Variants in NEK10 observed in about 807,000 individuals in gnomAD.
The protein encoded by NEK10 is NIMA related kinase 10.
In NEK10, 122 loss-of-function variants were observed where a neutral mutation model predicts 159.8. The observed-to-expected ratio is 0.76, with a 90% confidence interval of 0.66 to 0.89. The LOEUF is 0.89. Ranked by LOEUF, NEK10 falls within the 40% of genes least tolerant of loss-of-function variation. NEK10 has a pLI of 0.00. For missense variants in NEK10, 1,342 were observed against 1,323.1 expected, an observed-to-expected ratio of 1.01 and a Z score of -0.22; for synonymous variants, 466 against 457.1, an observed-to-expected ratio of 1.02 and a Z score of -0.25.
rs575704234 is a variant in NEK10, at chr3:27,221,019, T to C, written c.2091-18462A>G. ...ACCTCATACCATATGCAAAAATTAA[T>C]GCTAAATGAGTCATAGACCTATATA... On this transcript the variant is annotated intron_variant, in intron 23 of 35. Coordinates refer to ENST00000691995, the MANE Select transcript of NEK10 (RefSeq NM_001394966.1). Among the ~76,000 whole-genome samples, 5 of 152,260 alleles carry C rather than the reference T, an allele frequency of 3.3e-5. No individual in the cohort carries two copies. In the South Asian group the frequency reaches 1.0e-3, roughly 32 times the overall value.
chr3:27,305,012 A>G (rs2044126403), intron 11 of NEK10, 41 bp from the exon 12 acceptor site: 1 of 1,192,588 alleles, frequency 8.4e-7, no homozygotes, highest in African/African-American at 1.5e-5. Flanking sequence ...TCACAGCATC[A>G]TGAGTTGATT....
intron 23 of NEK10, among the ~76,000 whole-genome samples, chr3:27,214,104 A>C (rs2149110841): frequency 6.6e-6 from 1 of 152,338 alleles, no homozygotes; most frequent in Non-Finnish European, 1.5e-5. Flanking sequence ...AGATAATATC[A>C]GTTTTAACTA....
chr3:27,167,483 A>G (rs1946589867), intron 29 of NEK10, among the ~76,000 whole-genome samples: 1 of 152,214 alleles, frequency 6.6e-6, no homozygotes, highest in Non-Finnish European at 1.5e-5. Context: ...AGAATATGTG[A>G]CAAAGAGGCT....
intron 3 of NEK10, among the ~76,000 whole-genome samples, chr3:27,349,947 G>A (rs1386253065): frequency 2.6e-5 from 4 of 152,048 alleles, no homozygotes; most frequent in Non-Finnish European, 5.9e-5. Flanking sequence ...GTGTAGGTCA[G>A]GACAAAGAAC....
intron 3 of NEK10, among the ~76,000 whole-genome samples, chr3:27,346,459 T>C (rs547162889): frequency 3.3e-5 from 5 of 152,340 alleles, no homozygotes; most frequent in Admixed American, 3.3e-4. Flanking sequence ...CTGACAGTTA[T>C]TTATGTACTT....
chr3:27,318,686 T>C, intron 6 of NEK10, among the ~76,000 whole-genome samples: 1 of 152,210 alleles, frequency 6.6e-6, no homozygotes, highest in East Asian at 1.9e-4. Flanking sequence ...AAGATAGCTT[T>C]GATCTTGTGG....
Position 27,119,781 on chromosome 3 carries a change from G to A in NEK10, c.3169C>T (p.Leu1057=), listed in dbSNP as rs1028698157. 8 of 1,613,768 alleles carry A rather than the reference G, an allele frequency of 5.0e-6. No individual in the cohort carries two copies. In the African/African-American group the frequency reaches 8.0e-5, roughly 16 times the overall value. The change falls in exon 33 of 36, where the codon CTG becomes TTG. Residue 1057 remains leucine (L), a synonymous_variant. Coordinates refer to ENST00000691995, the MANE Select transcript of NEK10 (RefSeq NM_001394966.1). ...LLHRSSGGNS[L]SPNDPTGLPT... Reference sequence around the variant, plus strand: ...TTACCTGTAGGGTCATTTGGGGACAGGCTGTTTCCACCGGATGAACGATGT... The same window carrying A: ...TTACCTGTAGGGTCATTTGGGGACAAGCTGTTTCCACCGGATGAACGATGT...
Position 27,110,991 on chromosome 3 carries a change from C to A in NEK10, c.*281G>T, listed in dbSNP as rs559317207. The A allele has an allele frequency of 4.3e-5, 13 of 301,140 alleles. No individual in the cohort carries two copies. The highest frequency in any genetic ancestry group is 2.6e-4 in the African/African-American group (12 of 46,506). The allele number at this position is 301,140 out of a possible 1,614,324, so 18.7% of individuals were successfully genotyped here. A position where few individuals can be genotyped will look rare whatever the true frequency, so the allele number is the denominator to read the frequency against. ...TGTTGTTGTTTTTGGGTTTTCCCCCCACCCTCCAAAAGATGAATTTTGCAG... is the reference window on the plus strand; with the variant it reads ...TGTTGTTGTTTTTGGGTTTTCCCCCAACCCTCCAAAAGATGAATTTTGCAG... On this transcript the variant is annotated 3_prime_UTR_variant, in exon 36 of 36. Coordinates refer to ENST00000691995, the MANE Select transcript of NEK10 (RefSeq NM_001394966.1).
In NEK10 at chr3:27,202,419, G is replaced by A. The variant is rs183652164; in HGVS notation, c.2220+9C>T. 1.4e-5 allele frequency: 23 copies of A among 1,602,490 alleles called. No homozygotes were observed. Among genetic ancestry groups the A allele is most frequent in the African/African-American group, 9.4e-5 (7 of 74,636 alleles). On this transcript the variant is annotated intron_variant, in intron 24 of 35. Transcript: ENST00000691995. ...ACACGAGACCCTTCTGTCTCCCAGCGTTGCTTACTTTTGTAGCCAAGGACA... is the reference window on the plus strand; with the variant it reads ...ACACGAGACCCTTCTGTCTCCCAGCATTGCTTACTTTTGTAGCCAAGGACA...
Position 27,109,962 on chromosome 3 carries a change from G to A in NEK10, c.*1310C>T, listed in dbSNP as rs558623104. The A allele has an allele frequency of 1.1e-4, 17 of 152,244 alleles. No individual in the cohort carries two copies. The South Asian group carries it at 3.3e-3, about 30-fold the overall frequency. The allele number at this position is 152,244 out of a possible 1,614,324, so 9.4% of individuals were successfully genotyped here. A position where few individuals can be genotyped will look rare whatever the true frequency, so the allele number is the denominator to read the frequency against. On this transcript the variant is annotated 3_prime_UTR_variant, in exon 36 of 36. Coordinates refer to ENST00000691995, the MANE Select transcript of NEK10 (RefSeq NM_001394966.1). ...TTAAATATGCTCATTTAAAAATAGT[G>A]TAGATTTTCATACTATACAGAAAGA... is the stretch of plus-strand genomic sequence containing the variant.
intron 23 of NEK10, among the ~76,000 whole-genome samples, chr3:27,240,449 A>C (rs539071273): frequency 7.2e-6 from 1 of 138,002 alleles, no homozygotes; most frequent in South Asian, 2.4e-4. Context: ...ACAATCTCCC[A>C]ATAATACATA....
intron 12 of NEK10, 92 bp from the exon 13 acceptor site, chr3:27,301,927 T>C: frequency 1.0e-6 from 1 of 1,004,390 alleles, no homozygotes; most frequent in South Asian, 1.4e-5. Context: ...TTTGCCTCCC[T>C]CAGGTCATGA....
At chr3:27,207,954 T>C (rs1330749470) in intron 23 of NEK10, among the ~76,000 whole-genome samples, 2 of 152,182 alleles carry the variant, frequency 1.3e-5, no homozygotes, top group Admixed American at 6.5e-5. Context: ...AATCAAATGA[T>C]GCTCTAATTA....
chr3:27,305,019 G>T, intron 11 of NEK10, 48 bp from the exon 12 acceptor site: 2 of 1,127,518 alleles, frequency 1.8e-6, no homozygotes, highest in Non-Finnish European at 2.7e-6. Flanking sequence ...ATCATGAGTT[G>T]ATTACTTTAC....
chr3:27,299,579 G>A (rs1559458364), intron 13 of NEK10, among the ~76,000 whole-genome samples: 2 of 152,184 alleles, frequency 1.3e-5, no homozygotes, highest in Non-Finnish European at 2.9e-5. Flanking sequence ...CCAGTAGAAT[G>A]GCAGATCCAC....
At chr3:27,201,194 G>C (rs1950012670) in intron 25 of NEK10, among the ~76,000 whole-genome samples, 1 of 151,884 alleles carries the variant, frequency 6.6e-6, no homozygotes, top group South Asian at 2.1e-4. Flanking sequence ...ATTTTTATGA[G>C]GTTTGTCATG....
intron 23 of NEK10, among the ~76,000 whole-genome samples, chr3:27,213,581 A>T (rs1171691371): frequency 1.3e-5 from 2 of 152,224 alleles, no homozygotes; most frequent in East Asian, 3.8e-4. Flanking sequence ...GGCCAAGGGA[A>T]TTCCAAAGAA....
chr3:27,257,969 T>C (rs1230972471), intron 22 of NEK10, among the ~76,000 whole-genome samples: 4 of 151,728 alleles, frequency 2.6e-5, no homozygotes, highest in Admixed American at 2.6e-4. Flanking sequence ...TTTTATTTTT[T>C]GTATTTTTAG....
Position 27,301,770 on chromosome 3 carries a change from C to T in NEK10, c.1094G>A (p.Arg365Gln), listed in dbSNP as rs75891446. ...GSLSSANAAG[R>Q]IQQLHLSEDL... is the part of the protein sequence containing the mutation. The stretch of plus-strand genomic sequence containing the variant: ...TTCTGATAAATGAAGCTGCTGGATT[C>T]GGCCTGCAGCATTTGCACTGGACAG... Residue 365 changes from arginine to glutamine, a missense_variant, in exon 13 of 36, where the codon CGA (arginine) becomes CAA (glutamine). Coordinates refer to ENST00000691995, the MANE Select transcript of NEK10 (RefSeq NM_001394966.1). The T allele has an allele frequency of 6.5e-3, 10,124 of 1,561,738 alleles. 55 individuals carry two copies. Among genetic ancestry groups the T allele is most frequent in the Non-Finnish European group, 7.5e-3 (8,684 of 1,150,830 alleles).
Sources: gnomAD v4.1 joint callset for allele counts (sites outside exome capture counted in the v4.1 genomes callset) on GRCh38, gnomAD v4.1.1 for gene constraint, MANE v1.5 for transcripts, NCBI Gene and HGNC (gene_info 2026-07-23, HGNC 2026-07-21) for gene names.